TMEM117: variants seen among roughly 807,000 people sequenced by gnomAD.
The protein encoded by TMEM117 is transmembrane protein 117.
Under a neutral mutation model 52.4 loss-of-function variants are expected in TMEM117, and 27 were observed. The observed-to-expected ratio is 0.51, with a 90% confidence interval of 0.38 to 0.71. The LOEUF (loss-of-function observed/expected upper bound fraction) is 0.71, where lower values mean the gene tolerates loss of function less well. Ranked by LOEUF, TMEM117 falls within the 30% of genes least tolerant of loss-of-function variation. The pLI is 0.00. For synonymous variants in TMEM117, 215 were observed against 206.3 expected (o/e 1.04, Z -0.36); for missense variants, 556 against 630.5 (o/e 0.88, Z 1.26).
At chr12:44,326,580 A>C (rs1289912637) in intron 6 of TMEM117, among the ~76,000 whole-genome samples, 1 of 152,202 alleles carries the variant, frequency 6.6e-6, no homozygotes, top group Non-Finnish European at 1.5e-5. Flanking sequence ...TAGCTATTCT[A>C]TGTTGCATCA....
At chr12:43,949,507 T>C (rs949109931) in intron 3 of TMEM117, among the ~76,000 whole-genome samples, 1 of 152,216 alleles carries the variant, frequency 6.6e-6, no homozygotes, top group African/African-American at 2.4e-5. Context: ...GAAGGTCATA[T>C]ACTAGTTAAA....
chr12:44,264,295 A>G (rs1035674912), intron 5 of TMEM117, among the ~76,000 whole-genome samples: 2 of 152,126 alleles, frequency 1.3e-5, no homozygotes, highest in African/African-American at 4.8e-5. Flanking sequence ...TGATTTTATA[A>G]CTATTACTGA....
the TMEM117 span, among the ~76,000 whole-genome samples, chr12:43,813,231 G>GTTT: frequency 1.4e-3 from 88 of 62,658 alleles, 13 homozygotes; most frequent in African/African-American, 4.6e-3. Flanking sequence ...GTTTTCTCTT[G>GTTT]TTTTTTTTTT....
intron 3 of TMEM117, among the ~76,000 whole-genome samples, chr12:43,984,510 C>T (rs571638649): frequency 1.4e-4 from 22 of 152,230 alleles, no homozygotes; most frequent in African/African-American, 5.1e-4. Context: ...TGACTCTTTC[C>T]ACTGCAGTTA....
intron 6 of TMEM117, among the ~76,000 whole-genome samples, chr12:44,353,237 T>G (rs1005797359): frequency 3.9e-5 from 6 of 152,032 alleles, no homozygotes; most frequent in African/African-American, 1.2e-4. Flanking sequence ...TTTCTCCCAT[T>G]CTGTAGGTTG....
chr12:44,021,430 G>GT (rs2137834822), intron 3 of TMEM117, among the ~76,000 whole-genome samples: 1 of 152,274 alleles, frequency 6.6e-6, no homozygotes, highest in Non-Finnish European at 1.5e-5. Context: ...ATGTTCCTGT[G>GT]TATAGTGTTA....
At chr12:44,305,530 A>G (rs1950893399) in intron 6 of TMEM117, among the ~76,000 whole-genome samples, 1 of 152,102 alleles carries the variant, frequency 6.6e-6, no homozygotes, top group Non-Finnish European at 1.5e-5. Context: ...AAAAAAGACA[A>G]GCAGCCAACA....
chr12:43,973,392 G>A (rs1238332564), intron 3 of TMEM117, among the ~76,000 whole-genome samples: 1 of 152,100 alleles, frequency 6.6e-6, no homozygotes, highest in Non-Finnish European at 1.5e-5. Context: ...CTTGTAACTT[G>A]GATATCCACT....
chr12:44,182,260 A>C (rs1176820129), intron 4 of TMEM117, among the ~76,000 whole-genome samples: 2 of 152,174 alleles, frequency 1.3e-5, no homozygotes, highest in South Asian at 4.1e-4. Flanking sequence ...TTGGGCTGAG[A>C]CAATGGGTTT....
chr12:44,106,370 G>C (rs904241927), intron 3 of TMEM117, among the ~76,000 whole-genome samples: 1 of 151,800 alleles, frequency 6.6e-6, no homozygotes, highest in African/African-American at 2.4e-5. Context: ...CAAACATAAG[G>C]GATGGAATCT....
At chr12:43,957,690 G>A (rs1565769149) in intron 3 of TMEM117, among the ~76,000 whole-genome samples, 1 of 152,312 alleles carries the variant, frequency 6.6e-6, no homozygotes, top group East Asian at 1.9e-4. Context: ...GGGCTGGGAA[G>A]GATTTTTCAG....
At chr12:43,854,021 T>C (rs565261532) in intron 2 of TMEM117, among the ~76,000 whole-genome samples, 2 of 152,312 alleles carry the variant, frequency 1.3e-5, no homozygotes, top group Non-Finnish European at 2.9e-5. Context: ...GAACAATTTA[T>C]GTTAGGAAAG....
rs117938875 is a variant in TMEM117 at position 44,335,625 on chromosome 12, A to G, written c.768+35886A>G. Reference sequence around the variant, plus strand: ...TAAAATGTATCTAATGGTAATAACTATGTAGTCCTGATTTTCATGTATATT... The same window carrying G: ...TAAAATGTATCTAATGGTAATAACTGTGTAGTCCTGATTTTCATGTATATT... On this transcript the variant is annotated intron_variant, in intron 6 of 7. Transcript: ENST00000266534. Among the ~76,000 whole-genome samples the G allele has an allele frequency of 3.5e-4, 54 of 152,208 alleles. 2 individuals carry two copies. In the East Asian group the frequency reaches 9.7e-3, roughly 27 times the overall value.
chr12:43,901,866 A>G (rs2137506994), intron 2 of TMEM117, among the ~76,000 whole-genome samples: 2 of 152,248 alleles, frequency 1.3e-5, no homozygotes, highest in Non-Finnish European at 2.9e-5. Flanking sequence ...AGAGAATGGG[A>G]TTTAGTATTC....
At chr12:44,185,744 T>C (rs1242781628) in intron 4 of TMEM117, among the ~76,000 whole-genome samples, 2 of 152,108 alleles carry the variant, frequency 1.3e-5, no homozygotes, top group East Asian at 3.9e-4. Context: ...AGATGGTCTT[T>C]GCTCTATCAT....
At chr12:44,030,298 A>G (rs916520386) in intron 3 of TMEM117, among the ~76,000 whole-genome samples, 4 of 152,190 alleles carry the variant, frequency 2.6e-5, no homozygotes, top group South Asian at 2.1e-4. Flanking sequence ...AAATTGTTCA[A>G]TTTACCTACC....
At chr12:44,006,153 T>C (rs1458615892) in intron 3 of TMEM117, among the ~76,000 whole-genome samples, 3 of 152,094 alleles carry the variant, frequency 2.0e-5, no homozygotes, top group African/African-American at 7.2e-5. Context: ...GTCCACATAA[T>C]GAAAATCAGA....
chr12:43,818,360 C>T, the TMEM117 span, among the ~76,000 whole-genome samples: 1 of 151,714 alleles, frequency 6.6e-6, no homozygotes, highest in Non-Finnish European at 1.5e-5. Context: ...ACAATCTGCT[C>T]CCCCCACTCC....
chr12:43,912,493 A>ATAG, intron 2 of TMEM117, among the ~76,000 whole-genome samples: 1 of 131,218 alleles, frequency 7.6e-6, no homozygotes, highest in African/African-American at 3.7e-5. Context: ...AACTTAAAGT[A>ATAG]TAATAATAAT....
Sources: gnomAD v4.1 joint callset for allele counts (sites outside exome capture counted in the v4.1 genomes callset) on GRCh38, gnomAD v4.1.1 for gene constraint, MANE v1.5 for transcripts, NCBI Gene and HGNC (gene_info 2026-07-23, HGNC 2026-07-21) for gene names.